Variants in MOSMO observed in about 807,000 individuals in gnomAD.
MOSMO encodes the protein modulator of smoothened protein.
MOSMO carries 5 observed loss-of-function variants against 18.4 expected under a neutral mutation model. The observed-to-expected ratio is 0.27, with a 90% CI of 0.14 to 0.57. The LOEUF is 0.57. Among genes scored for constraint, MOSMO ranks in the 20% least tolerant of loss-of-function variants. The probability of loss-of-function intolerance (pLI) is 0.92; values close to 1 mark genes in which losing one functional copy is unlikely to be tolerated. For missense variants in MOSMO, 138 were observed against 211.8 expected (o/e 0.65, Z 2.16); for synonymous variants, 82 against 82.3 (o/e 1.00, Z 0.02).
chr16:22,063,132 G>A (rs1900682500), intron 1 of MOSMO, among the ~76,000 whole-genome samples: 1 of 152,232 alleles, frequency 6.6e-6, no homozygotes. Context: ...GGGATTACAG[G>A]CGTGAGCCAC....
At chr16:22,051,790 G>A (rs894447861) in intron 1 of MOSMO, among the ~76,000 whole-genome samples, 4 of 152,162 alleles carry the variant, frequency 2.6e-5, no homozygotes, top group Non-Finnish European at 4.4e-5. Context: ...GTCTGGGATG[G>A]GGTGGGTGGC....
chr16:22,044,379 C>T (rs1900267872), intron 1 of MOSMO, among the ~76,000 whole-genome samples: 1 of 152,088 alleles, frequency 6.6e-6, no homozygotes, highest in Non-Finnish European at 1.5e-5. Context: ...AGGGATTGTT[C>T]CTAAGCTTCC....
At chr16:22,050,014 A>C (rs1282905757) in intron 1 of MOSMO, among the ~76,000 whole-genome samples, 4 of 152,230 alleles carry the variant, frequency 2.6e-5, no homozygotes, top group Non-Finnish European at 5.9e-5. Flanking sequence ...CACCTTGGAA[A>C]GTAAGCACTC....
At chr16:22,047,183 G>T (rs369244085) in intron 1 of MOSMO, among the ~76,000 whole-genome samples, 2 of 149,214 alleles carry the variant, frequency 1.3e-5, no homozygotes, top group East Asian at 3.9e-4. Context: ...ATCTTTCCAC[G>T]TCAATATACA....
intron 1 of MOSMO, among the ~76,000 whole-genome samples, chr16:22,034,810 T>C (rs529252851): frequency 4.9e-4 from 66 of 135,654 alleles, no homozygotes; most frequent in African/African-American, 1.7e-3. Context: ...CAGGGCGGAG[T>C]ACAGTGGTTG....
chr16:22,063,419 A>G (rs1273400483), intron 1 of MOSMO, among the ~76,000 whole-genome samples: 1 of 152,206 alleles, frequency 6.6e-6, no homozygotes, highest in Non-Finnish European at 1.5e-5. Flanking sequence ...TGCTCTTGTG[A>G]CTTTATAAAT....
intron 1 of MOSMO, among the ~76,000 whole-genome samples, chr16:22,025,777 T>C (rs1483956569): frequency 6.6e-6 from 1 of 152,196 alleles, no homozygotes; most frequent in Non-Finnish European, 1.5e-5. Context: ...TGAAGAAGCA[T>C]ATTCAAAGAA....
At chr16:22,026,718 T>C (rs1460094591) in intron 1 of MOSMO, among the ~76,000 whole-genome samples, 1 of 152,140 alleles carries the variant, frequency 6.6e-6, no homozygotes, top group Non-Finnish European at 1.5e-5. Context: ...CAAATAAAAA[T>C]AGCAATAAAA....
At chr16:22,054,316 G>A (rs960313699) in intron 1 of MOSMO, among the ~76,000 whole-genome samples, 7 of 152,014 alleles carry the variant, frequency 4.6e-5, no homozygotes, top group South Asian at 2.1e-4. Flanking sequence ...GGCTAGTCTC[G>A]AACACCTGGG....
intron 1 of MOSMO, among the ~76,000 whole-genome samples, chr16:22,070,039 A>G (rs1900818352): frequency 2.0e-5 from 3 of 152,186 alleles, no homozygotes; most frequent in Admixed American, 1.3e-4. Flanking sequence ...ATGTGTTCAG[A>G]TACATTTGTA....
chr16:22,031,400 C>T (rs1899990976), intron 1 of MOSMO, among the ~76,000 whole-genome samples: 1 of 152,048 alleles, frequency 6.6e-6, no homozygotes, highest in Non-Finnish European at 1.5e-5. Flanking sequence ...TACAGTTTAC[C>T]CCTTTAAAGT....
intron 2 of MOSMO, among the ~76,000 whole-genome samples, chr16:22,079,648 C>T (rs1901038803): frequency 1.3e-5 from 2 of 152,188 alleles, no homozygotes; most frequent in Admixed American, 1.3e-4. Context: ...TTTAACCTAC[C>T]TCTCTGGGTA....
Position 22,084,286 on chromosome 16 carries a change from T to C in MOSMO, c.*3406T>C, listed in dbSNP as rs775200878. Reference sequence around the variant, plus strand: ...CACAAGTTACTCTGATTATAGTAACTGTTTTATCAACCCACTTCATCTTTA... The same window carrying C: ...CACAAGTTACTCTGATTATAGTAACCGTTTTATCAACCCACTTCATCTTTA... On this transcript the variant is annotated 3_prime_UTR_variant, in exon 3 of 3. Transcript: ENST00000542527. The C allele has an allele frequency of 6.6e-6, 1 of 152,250 alleles. No homozygotes were observed. Among genetic ancestry groups the C allele is most frequent in the Non-Finnish European group, 1.5e-5 (1 of 68,046 alleles). The allele number at this position is 152,250 out of a possible 1,614,324, so 9.4% of individuals were successfully genotyped here. A position where few individuals can be genotyped will look rare whatever the true frequency, so the allele number is the denominator to read the frequency against.
chr16:22,075,816 G>T, intron 2 of MOSMO, 117 bp downstream of exon 2: 1 of 708,850 alleles, frequency 1.4e-6, no homozygotes, highest in South Asian at 1.7e-5. Context: ...AGCACCACTT[G>T]TGTATGGCCG....
chr16:22,043,397 C>T (rs1195519045), intron 1 of MOSMO, among the ~76,000 whole-genome samples: 2 of 152,012 alleles, frequency 1.3e-5, no homozygotes, highest in Non-Finnish European at 1.5e-5. Context: ...GATTATTTTT[C>T]CTTAAATATG....
intron 1 of MOSMO, among the ~76,000 whole-genome samples, chr16:22,049,704 C>G (rs1900384956): frequency 6.6e-6 from 1 of 152,126 alleles, no homozygotes. Flanking sequence ...ATTCCTAAGA[C>G]CACAAAGTCA....
chr16:22,045,075 C>T (rs1464198406), intron 1 of MOSMO, among the ~76,000 whole-genome samples: 3 of 151,244 alleles, frequency 2.0e-5, no homozygotes, highest in African/African-American at 4.9e-5. Context: ...GTCCCGGCTA[C>T]TCGTGAGGCT....
At position 22,008,284 on chromosome 16, in the gene MOSMO, G is replaced by C. The variant is rs1274625341; in HGVS notation, c.-18G>C. On this transcript the variant is annotated 5_prime_UTR_variant, in exon 1 of 3. Coordinates refer to ENST00000542527, the MANE Select transcript of MOSMO (RefSeq NM_001164579.2). ...TGCCTGTCCGGGGCTCGGGGGGTGG[G>C]GGGAGCGGGGCGGGGAGATGGATAA... is the stretch of plus-strand genomic sequence containing the variant. 2 of 1,485,048 alleles carry C rather than the reference G, an allele frequency of 1.3e-6. No individual in the cohort carries two copies. The highest frequency in any genetic ancestry group is 1.4e-5 in the African/African-American group (1 of 70,086). The allele number at this position is 1,485,048 out of a possible 1,614,324, so 92.0% of individuals were successfully genotyped here. A position where few individuals can be genotyped will look rare whatever the true frequency, so the allele number is the denominator to read the frequency against.
intron 1 of MOSMO, among the ~76,000 whole-genome samples, chr16:22,017,900 G>C (rs1303576435): frequency 1.3e-5 from 2 of 152,096 alleles, no homozygotes; most frequent in Non-Finnish European, 2.9e-5. Context: ...AGAGCATTTG[G>C]GTTTGGGTGT....
Sources: allele counts gnomAD v4.1 joint callset (sites outside exome capture counted in the v4.1 genomes callset), GRCh38; gene constraint gnomAD v4.1.1; transcripts MANE v1.5; gene names NCBI Gene and HGNC (gene_info 2026-07-23, HGNC 2026-07-21).